The following PRKCSH variants were observed in gnomAD, a reference collection of about 807,000 sequenced individuals.
The protein encoded by PRKCSH is glucosidase 2 subunit beta.
PRKCSH carries 42 observed loss-of-function variants against 79.7 expected under a neutral mutation model. The ratio of observed to expected loss-of-function variants is 0.53; its 90% CI spans 0.41 to 0.68. The LOEUF is 0.68. Among genes scored for constraint, PRKCSH ranks in the 30% least tolerant of loss-of-function variants. The probability of loss-of-function intolerance (pLI) is 0.00; values close to 1 mark genes in which losing one functional copy is unlikely to be tolerated. For missense variants in PRKCSH, 686 were observed against 709.0 expected, an observed-to-expected ratio of 0.97 and a Z score of 0.37; for synonymous variants, 325 against 288.2, an observed-to-expected ratio of 1.13 and a Z score of -1.29.
At position 11,436,037 on chromosome 19, in the gene PRKCSH, G is replaced by A. The variant is rs2144796845; in HGVS notation, c.-77-4G>A. The stretch of plus-strand genomic sequence containing the variant: ...ACTGACCGGGATCCGCTTTCTTCCT[G>A]CAGCGTGAAGACACAGCGCATCTCC... On this transcript the variant is annotated splice_region_variant and splice_polypyrimidine_tract_variant and intron_variant, in intron 1 of 17. Coordinates refer to ENST00000677123, the MANE Select transcript of PRKCSH (RefSeq NM_001289104.2). The A allele has an allele frequency of 6.4e-7, 1 of 1,561,760 alleles. No individual in the cohort carries two copies. The highest frequency in any genetic ancestry group is 8.7e-7 in the Non-Finnish European group (1 of 1,145,908).
intron 9 of PRKCSH, 71 bp downstream of exon 9, chr19:11,446,421 G>C: frequency 6.7e-7 from 1 of 1,484,962 alleles, no homozygotes; most frequent in East Asian, 2.5e-5. Context: ...GGGCACAGGA[G>C]GGGGACCAAG....
At position 11,448,500 on chromosome 19, in the gene PRKCSH, G is replaced by A. The variant is rs183583859; in HGVS notation, c.1197-40G>A. ...CTGTCGTCCTGGGTCAGGCACTGGCGTCCCCAGCTGCCCCTTAACCGCTCC... is the reference window on the plus strand; with the variant it reads ...CTGTCGTCCTGGGTCAGGCACTGGCATCCCCAGCTGCCCCTTAACCGCTCC... On this transcript the variant is annotated intron_variant, in intron 13 of 17. Transcript: ENST00000677123. This position sits in a 1 kb window ranked among gnomAD's most constrained non-coding sequence, Gnocchi z 4.4. 15,457 of 1,577,376 alleles carry A rather than the reference G, an allele frequency of 9.8e-3. 99 individuals carry two copies. The highest frequency in any genetic ancestry group is 0.012 in the Non-Finnish European group (14,091 of 1,146,546).
Position 11,448,287 on chromosome 19 carries a change from A to G in PRKCSH, c.1192A>G (p.Ile398Val), listed in dbSNP as rs1400906084. ...GTCGCTGAAGGACATGGAGGAGTCC[A>G]TCAGGTAGCGGGGGCTGAGGAGCGG... ...ERSLKDMEES[I>V]RNLEQEISFD... is the part of the protein sequence containing the mutation. Residue 398 changes from isoleucine (I) to valine (V), a missense_variant, in exon 13 of 18, where the codon ATC becomes GTC. Ile to Val is a conservative substitution (Grantham distance 29). This residue lies in a region of PRKCSH where 549 missense variants were observed against 520.2 expected (regional missense o/e 1.06). Transcript: ENST00000677123. The surrounding 1 kb of genome is among the most constrained non-coding windows in gnomAD (Gnocchi z 4.4). The G allele has an allele frequency of 6.4e-7, 1 of 1,573,130 alleles. No homozygotes were observed.
At chr19:11,436,362 C>G in intron 2 of PRKCSH, 27 bp from the exon 3 acceptor site, 1 of 1,608,808 alleles carries the variant, frequency 6.2e-7, no homozygotes, top group Non-Finnish European at 8.5e-7. Flanking sequence ...CTTACCTGCC[C>G]TGGGCTGAGC....
Position 11,447,546 on chromosome 19 carries a change from GGA to G in PRKCSH, c.959_960del (p.Glu320GlyfsTer7). ...CCACAGAGGAGGAGGAGGAGGAGGA[GGA>G]GGAGGAGGAAGAAGAGGCTGAAGAA... ...SPTEEEEEEEEEEEEEAEEEE... is the reference protein window; with the variant it reads ...SPTEEEEEEEXEEEEEAEEEE... On this transcript the variant is annotated frameshift_variant, in exon 11 of 18. Coordinates refer to ENST00000677123, the MANE Select transcript of PRKCSH (RefSeq NM_001289104.2). LOFTEE classifies it high-confidence loss of function. This position sits in a 1 kb window ranked among gnomAD's most constrained non-coding sequence, Gnocchi z 5.6. 1.9e-6 allele frequency: 3 copies of G among 1,605,014 alleles called. No individual in the cohort carries two copies. The highest frequency in any genetic ancestry group is 2.6e-6 in the Non-Finnish European group (3 of 1,174,572).
Position 11,437,917 on chromosome 19 carries a change from A to G in PRKCSH, c.238A>G (p.Thr80Ala). The G allele has an allele frequency of 6.2e-7, 1 of 1,614,122 alleles. No individual in the cohort carries two copies. The highest frequency in any genetic ancestry group is 8.5e-7 in the Non-Finnish European group (1 of 1,180,020). Reference protein sequence around the residue: ...CPNGSFHCTNTGYKPLYIPSN... With the variant: ...CPNGSFHCTNAGYKPLYIPSN... ...TAATGGCAGCTTCCACTGCACCAAC[A>G]CTGGCTATAAGCCCCTGTATATCCC... The change falls in exon 4 of 18, where the codon ACT becomes GCT. Residue 80 changes from threonine to alanine, a missense_variant. By Grantham distance (58) the Thr-to-Ala change is moderately conservative. Coordinates refer to ENST00000677123, the MANE Select transcript of PRKCSH (RefSeq NM_001289104.2).
intron 17 of PRKCSH, among the ~76,000 whole-genome samples, chr19:11,450,139 T>A (rs1433190597): frequency 6.6e-6 from 1 of 151,546 alleles, no homozygotes; most frequent in Non-Finnish European, 1.5e-5. Flanking sequence ...CTACCATGTC[T>A]GGCCATCCCC....
rs371089264 is a variant in PRKCSH, at chr19:11,448,247, C to G, written c.1152C>G (p.Phe384Leu). The G allele has an allele frequency of 1.3e-6, 2 of 1,565,260 alleles. No homozygotes were observed. The highest frequency in any genetic ancestry group is 2.4e-5 in the East Asian group (1 of 42,268). ...CTGCCCAGGAGGCCCGCAACAAGTT[C>G]GAGGAGGCCGAGCGGTCGCTGAAGG... is the stretch of plus-strand genomic sequence containing the variant. ...IDAAQEARNK[F>L]EEAERSLKDM... Residue 384 changes from phenylalanine (F) to leucine (L), a missense_variant, in exon 13 of 18, where the codon TTC (phenylalanine) becomes TTG (leucine). Transcript: ENST00000677123. The surrounding 1 kb of genome is among the most constrained non-coding windows in gnomAD (Gnocchi z 4.4).
rs574736046 is a variant in PRKCSH, at chr19:11,438,659, G to A, written c.350+535G>A. On this transcript the variant is annotated intron_variant, in intron 5 of 17. Coordinates refer to ENST00000677123, the MANE Select transcript of PRKCSH (RefSeq NM_001289104.2). ...AGTCCCAGCTACTCGGTGGGCTGAG[G>A]CAGGTGAGTGGCGTGAACACGGGAG... is the stretch of plus-strand genomic sequence containing the variant. Among the ~76,000 whole-genome samples the A allele has an allele frequency of 7.2e-5, 11 of 151,774 alleles. No individual in the cohort carries two copies. The East Asian group carries it at 1.4e-3, about 19-fold the overall frequency.
chr19:11,446,267 C>A lies in PRKCSH; in HGVS notation c.684-5C>A. On this transcript the variant is annotated splice_region_variant and splice_polypyrimidine_tract_variant and intron_variant, in intron 8 of 17. Coordinates refer to ENST00000677123, the MANE Select transcript of PRKCSH (RefSeq NM_001289104.2). ...CTCCAGTCTGCTTCTGCCACGCCCC[C>A]GCAGGGTCTCGGTGACTGAGCTGCA... 1 of 1,613,366 alleles carries A rather than the reference C, an allele frequency of 6.2e-7. No homozygotes were observed.
intron 8 of PRKCSH, chr19:11,445,900 A>G (rs1599501074): frequency 3.6e-6 from 1 of 275,986 alleles, no homozygotes; most frequent in East Asian, 7.1e-5. Flanking sequence ...GCCAAGGAGC[A>G]GGGGGCTTCA....
chr19:11,440,924 C>G (rs1469084489), intron 5 of PRKCSH: 1 of 373,094 alleles, frequency 2.7e-6, no homozygotes, highest in Non-Finnish European at 5.2e-6. Flanking sequence ...CTTGGCCTTT[C>G]AAACTGCTGG....
At chr19:11,446,763 C>T (rs978016962) in intron 9 of PRKCSH, among the ~76,000 whole-genome samples, 3 of 152,272 alleles carry the variant, frequency 2.0e-5, no homozygotes, top group African/African-American at 7.2e-5. Context: ...GCCTTGGCCT[C>T]TCCCTTGGAG....
intron 9 of PRKCSH, 75 bp downstream of exon 9, chr19:11,446,425 G>A: frequency 1.3e-6 from 2 of 1,514,390 alleles, no homozygotes; most frequent in Non-Finnish European, 1.8e-6. Flanking sequence ...ACAGGAGGGG[G>A]ACCAAGGAAA....
intron 7 of PRKCSH, among the ~76,000 whole-genome samples, chr19:11,444,665 C>T (rs1970213083): frequency 6.6e-6 from 1 of 152,174 alleles, no homozygotes; most frequent in Non-Finnish European, 1.5e-5. Flanking sequence ...CTGCTTTCCG[C>T]TCTGCTTAGG....
In PRKCSH at chr19:11,441,251, G is replaced by A. The variant is rs377537927; in HGVS notation, c.362G>A (p.Arg121His). 5.2e-5 allele frequency: 84 copies of A among 1,613,926 alleles called. No individual in the cohort carries two copies. Among genetic ancestry groups the A allele is most frequent in the Admixed American group, 1.3e-4 (8 of 59,998 alleles). The change falls in exon 6 of 18, where the codon CGT becomes CAT. Residue 121 changes from arginine (R) to histidine (H), a missense_variant. Coordinates refer to ENST00000677123, the MANE Select transcript of PRKCSH (RefSeq NM_001289104.2). ...TCTCCGCACCGCAGAGAGAAGGGCC[G>A]TAAGGAGAGAGAGTCCCTGCAGCAG... ...ICENTCKEKG[R>H]KERESLQQMA...
chr19:11,441,327 G>A lies in PRKCSH; in HGVS notation c.438G>A (p.Glu146=), dbSNP rs143369158. The part of the protein sequence containing the change: ...EGFRLKKILI[E]DWKKAREEKQ... ...TCCGTCTGAAGAAGATCCTTATTGAGGACTGGAAGAAGGCACGGGAGGAGA... is the reference window on the plus strand; with the variant it reads ...TCCGTCTGAAGAAGATCCTTATTGAAGACTGGAAGAAGGCACGGGAGGAGA... Residue 146 remains glutamate (E), a synonymous_variant, in exon 6 of 18, where the codon GAG becomes GAA. Transcript: ENST00000677123. 139 of 1,614,034 alleles carry A rather than the reference G, an allele frequency of 8.6e-5. No individual in the cohort carries two copies. The African/African-American group carries it at 1.8e-3, about 21-fold the overall frequency.
chr19:11,448,819 CTG>C lies in PRKCSH; in HGVS notation c.1287-88_1287-87del, dbSNP rs777608257. 937 of 1,490,950 alleles carry C rather than the reference CTG, an allele frequency of 6.3e-4. 2 individuals carry two copies. The highest frequency in any genetic ancestry group is 8.2e-4 in the Non-Finnish European group (875 of 1,069,478). 92.4% of individuals were successfully genotyped at this position (1,490,950 alleles called of 1,614,324 possible). On this transcript the variant is annotated intron_variant, in intron 14 of 17. Coordinates refer to ENST00000677123, the MANE Select transcript of PRKCSH (RefSeq NM_001289104.2). The surrounding 1 kb of genome is among the most constrained non-coding windows in gnomAD (Gnocchi z 4.4). ...GTTGGTCATTGGAGTTGGAGGTACCCTGTGTGTGGGGACTGGAGGAGGCGGTG... is the reference window on the plus strand; with the variant it reads ...GTTGGTCATTGGAGTTGGAGGTACCCTGTGTGGGGACTGGAGGAGGCGGTG...
In PRKCSH at chr19:11,449,563, G is replaced by A; in HGVS notation, c.*16+135G>A. The stretch of plus-strand genomic sequence containing the variant: ...CTGCTTTTTTGTTTTGTTTTTTTGA[G>A]GTGGAGTCTCACTCTTTGGCCCAGG... On this transcript the variant is annotated intron_variant, in intron 17 of 17. Coordinates refer to ENST00000677123, the MANE Select transcript of PRKCSH (RefSeq NM_001289104.2). The surrounding 1 kb of genome is among the most constrained non-coding windows in gnomAD (Gnocchi z 6.4). 1 of 1,244,386 alleles carries A rather than the reference G, an allele frequency of 8.0e-7. No individual in the cohort carries two copies. The highest frequency in any genetic ancestry group is 1.1e-6 in the Non-Finnish European group (1 of 893,460). 77.1% of individuals were successfully genotyped at this position (1,244,386 alleles called of 1,614,324 possible).
Sources: gnomAD v4.1 joint callset for allele counts (sites outside exome capture counted in the v4.1 genomes callset) on GRCh38, gnomAD v4.1.1 for gene constraint, gnomAD v4.1.1 regional missense constraint, Gnocchi (gnomAD v3.1) non-coding constraint, MANE v1.5 for transcripts, NCBI Gene and HGNC (gene_info 2026-07-23, HGNC 2026-07-21) for gene names.